PTCD3: variants seen among roughly 807,000 people sequenced by gnomAD.
PTCD3 encodes pentatricopeptide repeat domain 3.
In PTCD3, 89 loss-of-function variants were observed where a neutral mutation model predicts 101.9. That is an observed-to-expected ratio of 0.87 (90% confidence interval 0.74 to 1.04). The LOEUF (loss-of-function observed/expected upper bound fraction) is 1.04. Among genes scored for constraint, PTCD3 ranks in the 50% least tolerant of loss-of-function variants. PTCD3 has a pLI of 0.00. For missense variants in PTCD3, 870 were observed against 828.2 expected, an observed-to-expected ratio of 1.05 and a Z score of -0.62; for synonymous variants, 296 against 278.5, an observed-to-expected ratio of 1.06 and a Z score of -0.63.
Position 86,119,058 on chromosome 2 carries a change from A to G in PTCD3, c.538+14A>G, listed in dbSNP as rs369654408. ...TTTTGCAAGCAGGTGACTGAGTTCGATTAAAGCCCCTCTAATAACATGGGC... is the reference window on the plus strand; with the variant it reads ...TTTTGCAAGCAGGTGACTGAGTTCGGTTAAAGCCCCTCTAATAACATGGGC... On this transcript the variant is annotated intron_variant, in intron 7 of 23. Coordinates refer to ENST00000254630, the MANE Select transcript of PTCD3 (RefSeq NM_017952.6). 34 of 1,612,312 alleles carry G rather than the reference A, an allele frequency of 2.1e-5. No homozygotes were observed. Among genetic ancestry groups the G allele is most frequent in the Middle Eastern group, 3.3e-4 (2 of 6,056 alleles).
rs1424978919 is a variant in PTCD3, at chr2:86,141,286, A to ACAT, written c.*3730_*3732dup. The ACAT allele has an allele frequency of 1.3e-5, 2 of 152,220 alleles. 1 individual carries two copies. The highest frequency in any genetic ancestry group is 2.9e-5 in the Non-Finnish European group (2 of 68,062). The allele number at this position is 152,220 out of a possible 1,614,324, so 9.4% of individuals were successfully genotyped here. On this transcript the variant is annotated 3_prime_UTR_variant, in exon 24 of 24. Transcript: ENST00000254630. ...TCAAGCTCCCTGCCAACCTCTGGAT[A>ACAT]CATCAATGGGAAGGAAACCAGGGAA...
chr2:86,111,939 T>A (rs527849087), intron 4 of PTCD3: 1 of 152,376 alleles, frequency 6.6e-6, no homozygotes, highest in Admixed American at 6.5e-5. Context: ...AGACGGGGTT[T>A]CTCCATGTTG....
chr2:86,141,591 T>TA lies in PTCD3; in HGVS notation c.*4033dup, dbSNP rs1170044894. 6.6e-6 allele frequency: 1 copy of TA among 152,212 alleles called. No individual in the cohort carries two copies. The highest frequency in any genetic ancestry group is 6.5e-5 in the Admixed American group (1 of 15,282). 9.4% of individuals were successfully genotyped at this position (152,212 alleles called of 1,614,324 possible). A position where few individuals can be genotyped will look rare whatever the true frequency, so the allele number is the denominator to read the frequency against. On this transcript the variant is annotated 3_prime_UTR_variant, in exon 24 of 24. Coordinates refer to ENST00000254630, the MANE Select transcript of PTCD3 (RefSeq NM_017952.6). Reference sequence around the variant, plus strand: ...AGTCTAAAATTAGGTTTTAGTTTGTTACATTATTTTGAAATATTAAACATG... The same window carrying TA: ...AGTCTAAAATTAGGTTTTAGTTTGTTAACATTATTTTGAAATATTAAACATG...
At chr2:86,111,810 T>A (rs1456809373) in intron 4 of PTCD3, 1 of 152,654 alleles carries the variant, frequency 6.6e-6, no homozygotes, top group Non-Finnish European at 1.5e-5. Flanking sequence ...AATGGCGCGA[T>A]CTCGGCTCAC....
intron 19 of PTCD3, among the ~76,000 whole-genome samples, chr2:86,134,046 C>T (rs1048307238): frequency 3.9e-5 from 6 of 152,186 alleles, no homozygotes; most frequent in Non-Finnish European, 8.8e-5. Flanking sequence ...GTCTTAACCA[C>T]GTGGAGCTGG....
chr2:86,127,611 A>T (rs1483457228), intron 13 of PTCD3: 2 of 465,808 alleles, frequency 4.3e-6, no homozygotes, highest in African/African-American at 3.9e-5. Context: ...ATTTGAACCT[A>T]AGTGTGTGCT....
intron 9 of PTCD3, 112 bp downstream of exon 9, chr2:86,123,874 A>G (rs1399614075): frequency 4.2e-6 from 3 of 719,528 alleles, no homozygotes; most frequent in African/African-American, 1.8e-5. Flanking sequence ...ATTGATTTTT[A>G]TTGTGCAATA....
At chr2:86,127,671 A>G (rs906431666) in intron 13 of PTCD3, 27 of 482,058 alleles carry the variant, frequency 5.6e-5, no homozygotes, top group Non-Finnish European at 8.4e-5. Context: ...TTGCTTTGGG[A>G]ATCAATTCAC....
At chr2:86,116,799 C>T (rs968728331) in intron 5 of PTCD3, among the ~76,000 whole-genome samples, 36 of 152,290 alleles carry the variant, frequency 2.4e-4, no homozygotes, top group African/African-American at 8.4e-4. Flanking sequence ...GTTTCTAATA[C>T]TTAGGGCTTT....
chr2:86,113,766 G>A (rs1423162305), intron 4 of PTCD3, among the ~76,000 whole-genome samples: 1 of 151,954 alleles, frequency 6.6e-6, no homozygotes, highest in Non-Finnish European at 1.5e-5. Context: ...AGCCAGGATC[G>A]CACCACTGTA....
At chr2:86,127,439 A>G (rs1368092619) in intron 13 of PTCD3, 134 bp downstream of exon 13, 4 of 993,860 alleles carry the variant, frequency 4.0e-6, no homozygotes, top group Non-Finnish European at 5.9e-6. Flanking sequence ...CATGTTTGGC[A>G]CATTTACTTA....
At chr2:86,124,824 G>C (rs148738717) in intron 9 of PTCD3, among the ~76,000 whole-genome samples, 171 bp from the exon 10 acceptor site, 35 of 152,246 alleles carry the variant, frequency 2.3e-4, no homozygotes, top group African/African-American at 8.2e-4. Flanking sequence ...GTTAAGTCTT[G>C]ATTTTCCCCA....
At chr2:86,118,096 G>A (rs1422629217) in intron 6 of PTCD3, among the ~76,000 whole-genome samples, 1 of 152,022 alleles carries the variant, frequency 6.6e-6, no homozygotes, top group Non-Finnish European at 1.5e-5. Context: ...CTTAAGCATG[G>A]GTATCTTTCT....
intron 6 of PTCD3, 54 bp from the exon 7 acceptor site, chr2:86,118,867 T>C (rs756423410): frequency 1.6e-4 from 254 of 1,570,890 alleles, no homozygotes; most frequent in Non-Finnish European, 2.0e-4. Context: ...TACTCAGTTA[T>C]CCTTCCCTCA....
intron 3 of PTCD3, 31 bp from the exon 4 acceptor site, chr2:86,111,082 A>G (rs1264181559): frequency 7.5e-6 from 12 of 1,599,974 alleles, no homozygotes; most frequent in Non-Finnish European, 1.0e-5. Context: ...AAGAGCCCTG[A>G]TGAGGATTAA....
At chr2:86,120,837 G>A (rs1390751932) in intron 7 of PTCD3, among the ~76,000 whole-genome samples, 6 of 152,198 alleles carry the variant, frequency 3.9e-5, no homozygotes, top group Non-Finnish European at 8.8e-5. Context: ...CAAGGTTGTA[G>A]TAAGCTGTGA....
At position 86,140,914 on chromosome 2, in the gene PTCD3, A is replaced by AC. The variant is rs1270515023; in HGVS notation, c.*3355_*3356insC. On this transcript the variant is annotated 3_prime_UTR_variant, in exon 24 of 24. Transcript: ENST00000254630. Reference sequence around the variant, plus strand: ...AGTGAAAACCCATCTCAAAAAAAAAAAAAAAAAACCAAAAAAACTGTCCAG... The same window carrying AC: ...AGTGAAAACCCATCTCAAAAAAAAAACAAAAAAAACCAAAAAAACTGTCCAG... 1.9e-5 allele frequency: 2 copies of AC among 106,594 alleles called. 1 individual carries two copies. The highest frequency in any genetic ancestry group is 2.3e-4 in the Admixed American group (2 of 8,834). 6.6% of individuals were successfully genotyped at this position (106,594 alleles called of 1,614,324 possible). A position where few individuals can be genotyped will look rare whatever the true frequency, so the allele number is the denominator to read the frequency against.
intron 1 of PTCD3, among the ~76,000 whole-genome samples, chr2:86,106,559 G>A (rs924969608): frequency 6.6e-6 from 1 of 152,196 alleles, no homozygotes; most frequent in African/African-American, 2.4e-5. Context: ...CTTATTGGTT[G>A]CTTGCAATAT....
At chr2:86,116,028 G>A (rs939593640) in intron 4 of PTCD3, among the ~76,000 whole-genome samples, 1 of 152,190 alleles carries the variant, frequency 6.6e-6, no homozygotes, top group South Asian at 2.1e-4. Flanking sequence ...TCAGCCATGG[G>A]GAGGGAGGCT....
Sources: allele counts gnomAD v4.1 joint callset (sites outside exome capture counted in the v4.1 genomes callset), GRCh38; gene constraint gnomAD v4.1.1; transcripts MANE v1.5; gene names NCBI Gene and HGNC (gene_info 2026-07-23, HGNC 2026-07-21).